The following AKAP7 variants were observed in gnomAD, a reference collection of about 807,000 sequenced individuals.
AKAP7 encodes A-kinase anchoring protein 7, also known as A kinase (PRKA) anchor protein 7.
A neutral mutation model predicts 39.5 loss-of-function variants in AKAP7; 39 were observed. The observed-to-expected ratio is 0.99, with a 90% CI of 0.76 to 1.29. The LOEUF is 1.29. Among genes scored for constraint, AKAP7 ranks in the 50% most tolerant of loss-of-function variants. AKAP7 has a pLI of 0.00. For synonymous variants in AKAP7, 140 were observed against 139.1 expected (o/e 1.01, Z -0.05); for missense variants, 414 against 407.7 (o/e 1.02, Z -0.13).
chr6:131,165,928 T>C (rs1450918712), intron 4 of AKAP7, among the ~76,000 whole-genome samples: 1 of 152,190 alleles, frequency 6.6e-6, no homozygotes, highest in African/African-American at 2.4e-5. Flanking sequence ...CTAAGATGTA[T>C]GGAAAACCAA....
chr6:131,153,140 AAAAAG>A (rs1392665336), intron 2 of AKAP7, among the ~76,000 whole-genome samples: 1 of 151,912 alleles, frequency 6.6e-6, no homozygotes, highest in African/African-American at 2.4e-5. Flanking sequence ...AAAAAAAAAA[AAAAAG>A]AGAGAGAGAG....
chr6:131,277,377 C>CA (rs939272564), intron 7 of AKAP7, among the ~76,000 whole-genome samples: 1 of 152,002 alleles, frequency 6.6e-6, no homozygotes, highest in African/African-American at 2.4e-5. Context: ...CCCTGTAGTC[C>CA]AAAAAAGAAT....
At chr6:131,152,929 C>T (rs1471646926) in intron 2 of AKAP7, among the ~76,000 whole-genome samples, 4 of 150,700 alleles carry the variant, frequency 2.7e-5, no homozygotes, top group Non-Finnish European at 5.9e-5. Context: ...GAGATTGAGA[C>T]CATCCTGGCT....
intron 2 of AKAP7, among the ~76,000 whole-genome samples, chr6:131,147,199 C>T (rs1049070131): frequency 1.3e-5 from 2 of 152,202 alleles, no homozygotes; most frequent in African/African-American, 4.8e-5. Context: ...TCAACCTTTG[C>T]ATCCTGCCAG....
At chr6:131,252,983 T>C (rs1812556818) in intron 7 of AKAP7, 2 of 1,581,566 alleles carry the variant, frequency 1.3e-6, no homozygotes, top group Non-Finnish European at 1.7e-6. Context: ...TATGGAGAAT[T>C]TGATGAGTTT....
Position 131,282,119 on chromosome 6 carries a change from A to G in AKAP7, c.*393A>G, listed in dbSNP as rs1430743819. 8.6e-7 allele frequency: 1 copy of G among 1,166,664 alleles called. No homozygotes were observed. Among genetic ancestry groups the G allele is most frequent in the Non-Finnish European group, 1.1e-6 (1 of 947,228 alleles). 72.3% of individuals were successfully genotyped at this position (1,166,664 alleles called of 1,614,324 possible). A position where few individuals can be genotyped will look rare whatever the true frequency, so the allele number is the denominator to read the frequency against. On this transcript the variant is annotated 3_prime_UTR_variant, in exon 8 of 8. Coordinates refer to ENST00000431975, the MANE Select transcript of AKAP7 (RefSeq NM_016377.4). Reference sequence around the variant, plus strand: ...TACTTTATCTGAGGCCAGAACTCTCACACACAGCTATCAAGTGCTAAGTTT... The same window carrying G: ...TACTTTATCTGAGGCCAGAACTCTCGCACACAGCTATCAAGTGCTAAGTTT...
intron 5 of AKAP7, among the ~76,000 whole-genome samples, chr6:131,178,924 C>T (rs1459090919): frequency 6.6e-6 from 1 of 152,032 alleles, no homozygotes; most frequent in Non-Finnish European, 1.5e-5. Flanking sequence ...CTGTGCCCCA[C>T]TTGAACTTGC....
At chr6:131,149,053 C>T (rs1801704698) in intron 2 of AKAP7, among the ~76,000 whole-genome samples, 2 of 152,180 alleles carry the variant, frequency 1.3e-5, no homozygotes, top group Non-Finnish European at 2.9e-5. Flanking sequence ...GAAGGGGAAT[C>T]CTTGGCAGTA....
chr6:131,172,699 C>T (rs1224285578), intron 5 of AKAP7, among the ~76,000 whole-genome samples: 1 of 152,064 alleles, frequency 6.6e-6, no homozygotes, highest in African/African-American at 2.4e-5. Flanking sequence ...TAGACTAAGC[C>T]AGACCATCAA....
At chr6:131,273,709 T>G (rs1219943676) in intron 7 of AKAP7, among the ~76,000 whole-genome samples, 1 of 152,200 alleles carries the variant, frequency 6.6e-6, no homozygotes, top group Non-Finnish European at 1.5e-5. Flanking sequence ...GAGAAAAGTC[T>G]TATTTTTACT....
Position 131,250,655 on chromosome 6 carries a change from G to T in AKAP7, c.850+30847G>T. 3 of 1,605,592 alleles carry T rather than the reference G, an allele frequency of 1.9e-6. No individual in the cohort carries two copies. The South Asian group carries it at 3.3e-5, about 18-fold the overall frequency. On this transcript the variant is annotated intron_variant, in intron 7 of 7. Coordinates refer to ENST00000431975, the MANE Select transcript of AKAP7 (RefSeq NM_016377.4). ...GTACTGTGCAGAATCCTAAGTGCTT[G>T]ACTATTTTGTGCGGTTGTCTTCTAG...
intron 1 of AKAP7, among the ~76,000 whole-genome samples, chr6:131,142,634 G>C (rs1400975281): frequency 6.6e-6 from 1 of 152,222 alleles, no homozygotes; most frequent in Non-Finnish European, 1.5e-5. Flanking sequence ...GGCAATGCTG[G>C]GGGGAAATGT....
intron 5 of AKAP7, among the ~76,000 whole-genome samples, chr6:131,178,214 A>G (rs1358110562): frequency 6.6e-6 from 1 of 152,180 alleles, no homozygotes; most frequent in Non-Finnish European, 1.5e-5. Context: ...GTCAGTCAGA[A>G]CCATTTGCAT....
At chr6:131,144,370 A>T (rs1403611476) in intron 1 of AKAP7, among the ~76,000 whole-genome samples, 1 of 152,228 alleles carries the variant, frequency 6.6e-6, no homozygotes, top group Non-Finnish European at 1.5e-5. Context: ...CAGGTATTGT[A>T]TCTGAAAATA....
At chr6:131,194,638 C>T (rs1190999567) in intron 5 of AKAP7, among the ~76,000 whole-genome samples, 1 of 151,964 alleles carries the variant, frequency 6.6e-6, no homozygotes, top group Non-Finnish European at 1.5e-5. Flanking sequence ...TTGAAGTATC[C>T]AGGAAGTATG....
chr6:131,137,219 G>T (rs1800627732), intron 1 of AKAP7, among the ~76,000 whole-genome samples: 1 of 151,878 alleles, frequency 6.6e-6, no homozygotes, highest in African/African-American at 2.4e-5. Context: ...TCTGAGTGCT[G>T]GGATTACACG....
In AKAP7 at chr6:131,199,539, T is replaced by C. The variant is rs1807310295; in HGVS notation, c.668T>C (p.Met223Thr). 6.2e-7 allele frequency: 1 copy of C among 1,611,786 alleles called. No homozygotes were observed. Among genetic ancestry groups the C allele is most frequent in the African/African-American group, 1.3e-5 (1 of 74,990 alleles). ...SRSFKPHLTF[M>T]KLSKSPWLRK... The stretch of plus-strand genomic sequence containing the variant: ...AGTTTTAAACCTCATTTGACCTTCA[T>C]GAAGTTGTCAAAATCACCGTGGCTC... Residue 223 changes from methionine (M) to threonine (T), a missense_variant, in exon 6 of 8, where the codon ATG (methionine) becomes ACG (threonine). Coordinates refer to ENST00000431975, the MANE Select transcript of AKAP7 (RefSeq NM_016377.4).
intron 1 of AKAP7, among the ~76,000 whole-genome samples, chr6:131,139,821 C>T (rs1314076145): frequency 2.0e-5 from 3 of 152,164 alleles, no homozygotes; most frequent in Admixed American, 6.5e-5. Context: ...AGGAAGTTGT[C>T]CCTTTCACTT....
chr6:131,193,649 T>C (rs1030003857), intron 5 of AKAP7, among the ~76,000 whole-genome samples: 5 of 152,106 alleles, frequency 3.3e-5, no homozygotes, highest in African/African-American at 1.2e-4. Flanking sequence ...CTTTAAATGT[T>C]TGGTAGAATT....
Sources: gnomAD v4.1 joint callset for allele counts (sites outside exome capture counted in the v4.1 genomes callset) on GRCh38, gnomAD v4.1.1 for gene constraint, MANE v1.5 for transcripts, NCBI Gene and HGNC (gene_info 2026-07-23, HGNC 2026-07-21) for gene names.